The following OSBPL10 variants were observed in gnomAD, a reference collection of about 807,000 sequenced individuals.
The protein encoded by OSBPL10 is oxysterol binding protein like 10, also known as oxysterol-binding protein-related protein 10.
OSBPL10 carries 49 observed loss-of-function variants against 81.7 expected under a neutral mutation model. The observed-to-expected ratio is 0.60, with a 90% confidence interval of 0.48 to 0.76. The LOEUF (loss-of-function observed/expected upper bound fraction) is 0.76, where lower values mean the gene tolerates loss of function less well. Ranked by LOEUF, OSBPL10 falls within the 30% of genes least tolerant of loss-of-function variation. The probability of loss-of-function intolerance (pLI) is 0.00; values close to 1 mark genes in which losing one functional copy is unlikely to be tolerated. For synonymous variants in OSBPL10, 419 were observed against 383.6 expected (o/e 1.09, Z -1.08); for missense variants, 923 against 987.8 (o/e 0.93, Z 0.88).
chr3:31,966,153 A>ATGTCTGTGTGTG (rs1472350138), intron 1 of OSBPL10, among the ~76,000 whole-genome samples: 67 of 134,842 alleles, frequency 5.0e-4, no homozygotes, highest in African/African-American at 1.7e-3. Flanking sequence ...CAACAAAATT[A>ATGTCTGTGTGTG]TGTGTGTGTG....
At chr3:31,751,390 AAAATAAAAT>A (rs1697716239) in intron 4 of OSBPL10, among the ~76,000 whole-genome samples, 1 of 41,070 alleles carries the variant, frequency 2.4e-5, no homozygotes, top group Non-Finnish European at 4.6e-5. Context: ...AAAATAAAAT[AAAATAAAAT>A]AAAATAAAAA....
chr3:32,015,016 C>A (rs573808903), intron 2 of OSBPL10, among the ~76,000 whole-genome samples: 1 of 152,204 alleles, frequency 6.6e-6, no homozygotes, highest in Non-Finnish European at 1.5e-5. Flanking sequence ...AATGGCCATA[C>A]TGCCCAAGGT....
intron 2 of OSBPL10, among the ~76,000 whole-genome samples, chr3:32,017,552 G>T (rs1262465891): frequency 6.6e-6 from 1 of 152,088 alleles, no homozygotes; most frequent in Admixed American, 6.6e-5. Context: ...TGTTTGGTCT[G>T]TTTGGGCCCA....
At position 32,037,962 on chromosome 3, in the gene OSBPL10, T is replaced by G. The variant is rs180765036; in HGVS notation, n.298+8529A>C. Among the ~76,000 whole-genome samples, 405 of 152,332 alleles carry G rather than the reference T, an allele frequency of 2.7e-3. 4 individuals are homozygous for G. The highest frequency in any genetic ancestry group is 4.7e-4 in the Non-Finnish European group (32 of 68,030). On this transcript the variant is annotated intron_variant and non_coding_transcript_variant, in intron 2 of 3. Coordinates refer to the OSBPL10 transcript ENST00000479173. ...AGAGAGAAAACACTGCTGTGAAATG[T>G]TTTTATATCAGAACAGAGAAAGATT... is the stretch of plus-strand genomic sequence containing the variant.
chr3:31,667,509 C>A (rs1028576817), intron 10 of OSBPL10, among the ~76,000 whole-genome samples: 2 of 152,214 alleles, frequency 1.3e-5, no homozygotes, highest in African/African-American at 4.8e-5. Context: ...TTTCCACTTA[C>A]AAGAACTGTT....
rs142137293 is a variant in OSBPL10, at chr3:31,757,150, A to G, written c.730-9030T>C. Among the ~76,000 whole-genome samples the G allele has an allele frequency of 8.5e-3, 1,298 of 152,322 alleles. 16 individuals are homozygous for G. The highest frequency in any genetic ancestry group is 0.019 in the African/African-American group (803 of 41,560). Reference sequence around the variant, plus strand: ...GGGGGAAAATATATTTTTATGATTGAAATGTATCCTTCACCAAATTCATAT... The same window carrying G: ...GGGGGAAAATATATTTTTATGATTGGAATGTATCCTTCACCAAATTCATAT... On this transcript the variant is annotated intron_variant, in intron 4 of 11. Transcript: ENST00000396556.
chr3:31,692,009 T>C (rs17027994), intron 7 of OSBPL10, among the ~76,000 whole-genome samples: 7,068 of 152,310 alleles, frequency 0.046, 550 homozygotes, highest in African/African-American at 0.16. Flanking sequence ...ACCCATTTCA[T>C]GGTGCCTGAA....
intron 1 of OSBPL10, among the ~76,000 whole-genome samples, chr3:31,900,579 C>G (rs745338667): frequency 2.6e-5 from 4 of 152,184 alleles, no homozygotes; most frequent in African/African-American, 9.7e-5. Flanking sequence ...ATTTAGGGGC[C>G]AAAGGCACTG....
intron 7 of OSBPL10, among the ~76,000 whole-genome samples, chr3:31,701,071 T>C (rs995581395): frequency 6.6e-5 from 10 of 152,198 alleles, no homozygotes; most frequent in Non-Finnish European, 1.2e-4. Flanking sequence ...AAGAAAAGAT[T>C]TGTCTGTCAT....
At chr3:31,690,612 T>C (rs151265560) in intron 7 of OSBPL10, among the ~76,000 whole-genome samples, 5 of 152,352 alleles carry the variant, frequency 3.3e-5, no homozygotes, top group African/African-American at 1.2e-4. Flanking sequence ...TGAGGGAATA[T>C]GGGCTCACAG....
chr3:31,746,829 G>C (rs567291623), intron 5 of OSBPL10, among the ~76,000 whole-genome samples: 2 of 151,382 alleles, frequency 1.3e-5, no homozygotes, highest in African/African-American at 4.9e-5. Flanking sequence ...GTTGTGGGGT[G>C]GGGGGGAGGG....
chr3:31,767,482 C>T (rs574558745), intron 4 of OSBPL10, among the ~76,000 whole-genome samples: 1 of 152,356 alleles, frequency 6.6e-6, no homozygotes, highest in Admixed American at 6.5e-5. Flanking sequence ...GCCTAGAAAG[C>T]TTTTCCTCCC....
intron 5 of OSBPL10, among the ~76,000 whole-genome samples, chr3:31,735,315 C>T (rs1697116880): frequency 6.6e-6 from 1 of 152,084 alleles, no homozygotes; most frequent in East Asian, 1.9e-4. Flanking sequence ...TGACATGCAC[C>T]TATAGTTGCA....
intron 4 of OSBPL10, among the ~76,000 whole-genome samples, chr3:31,799,367 C>A (rs1210959279): frequency 7.6e-6 from 1 of 132,174 alleles, no homozygotes; most frequent in African/African-American, 3.1e-5. Flanking sequence ...CATAGCAAGA[C>A]CCCTATCTCT....
At chr3:32,024,483 G>A (rs1417951510) in intron 2 of OSBPL10, among the ~76,000 whole-genome samples, 2 of 130,182 alleles carry the variant, frequency 1.5e-5, no homozygotes, top group East Asian at 4.8e-4. Flanking sequence ...TATTGTGAAT[G>A]GAATTTTTTT....
intron 5 of OSBPL10, among the ~76,000 whole-genome samples, chr3:31,743,293 C>A (rs1697415861): frequency 6.6e-6 from 1 of 152,078 alleles, no homozygotes; most frequent in Admixed American, 6.6e-5. Flanking sequence ...CCCGGCCCGG[C>A]CTCCCAAAGT....
intron 4 of OSBPL10, among the ~76,000 whole-genome samples, chr3:31,768,899 G>T (rs1698277264): frequency 6.6e-6 from 1 of 152,166 alleles, no homozygotes; most frequent in Non-Finnish European, 1.5e-5. Flanking sequence ...GGGTCTTAGA[G>T]CTCTGAAAAG....
intron 4 of OSBPL10, among the ~76,000 whole-genome samples, chr3:31,813,285 T>C (rs1462690177): frequency 6.6e-6 from 1 of 152,214 alleles, no homozygotes; most frequent in Non-Finnish European, 1.5e-5. Flanking sequence ...GTCTTCATTT[T>C]GCAGGTGGCA....
chr3:31,713,317 G>C (rs1696326389), intron 6 of OSBPL10, among the ~76,000 whole-genome samples: 2 of 152,196 alleles, frequency 1.3e-5, no homozygotes, highest in South Asian at 4.2e-4. Context: ...TTACCTCAGG[G>C]CCTTTGCACC....
Sources: gnomAD v4.1 joint callset for allele counts (sites outside exome capture counted in the v4.1 genomes callset) on GRCh38, gnomAD v4.1.1 for gene constraint, MANE v1.5 for transcripts, NCBI Gene and HGNC (gene_info 2026-07-23, HGNC 2026-07-21) for gene names.